The following NRIP2 variants were observed in gnomAD, a reference collection of about 807,000 sequenced individuals.
The protein encoded by NRIP2 is nuclear receptor interacting protein 2.
NRIP2 carries 27 observed loss-of-function variants against 34.1 expected under a neutral mutation model. The observed-to-expected ratio is 0.79, with a 90% CI of 0.58 to 1.09. The LOEUF (loss-of-function observed/expected upper bound fraction) is 1.09. Ranked by LOEUF, NRIP2 falls within the 50% of genes least tolerant of loss-of-function variation. NRIP2 has a pLI of 0.00. For synonymous variants in NRIP2, 145 were observed against 146.9 expected (o/e 0.99, Z 0.09); for missense variants, 385 against 352.6 (o/e 1.09, Z -0.74).
rs148606308 is a variant in NRIP2, at chr12:2,834,951, C to T, written c.33G>A (p.Trp11Ter). 9.2e-5 allele frequency: 147 copies of T among 1,591,778 alleles called. No individual in the cohort carries two copies. Among genetic ancestry groups the T allele is most frequent in the Admixed American group, 1.3e-4 (7 of 54,668 alleles). MLFIFPLSLPWRPSCWKESCS... is the reference protein window; with the variant it reads MLFIFPLSLP Reference sequence around the variant, plus strand: ...AGCTCTCTTTCCAACAGGAGGGTCTCCACGGGAGGGAAAGAGGAAAAATAA... The same window carrying T: ...AGCTCTCTTTCCAACAGGAGGGTCTTCACGGGAGGGAAAGAGGAAAAATAA... Residue 11 changes from tryptophan (W) to a stop codon, truncating the protein, a stop_gained, in exon 1 of 6, where the codon TGG becomes TGA. Coordinates refer to ENST00000337508, the MANE Select transcript of NRIP2 (RefSeq NM_031474.3). LOFTEE classifies it high-confidence loss of function.
chr12:2,828,014 C>T lies in NRIP2; in HGVS notation c.612G>A (p.Gly204=), dbSNP rs531569658. The T allele has an allele frequency of 5.9e-5, 96 of 1,614,160 alleles. No individual in the cohort carries two copies. The South Asian group carries it at 1.0e-3, about 17-fold the overall frequency. The change falls in exon 4 of 6, where the codon GGG becomes GGA. Residue 204 remains glycine (G), a synonymous_variant. Coordinates refer to ENST00000337508, the MANE Select transcript of NRIP2 (RefSeq NM_031474.3). ...GGGTTGGGGGCCCAGGGGCCAGGTC[C>T]CCAGCTGAGGCTTTTAGGACCCTTT... ...LEKRVLKASA[G]DLAPGPPTQV... is the part of the protein sequence containing the mutation.
chr12:2,833,746 T>C (rs533734792), intron 1 of NRIP2, among the ~76,000 whole-genome samples: 5 of 152,160 alleles, frequency 3.3e-5, no homozygotes, highest in African/African-American at 1.2e-4. Flanking sequence ...AATAATAGCA[T>C]TTAGATAGTG....
At position 2,827,280 on chromosome 12, in the gene NRIP2, T is replaced by A. The variant is rs747245249; in HGVS notation, c.773A>T (p.His258Leu). Reference sequence around the variant, plus strand: ...CGGGGCTTTCAGCCGCAGCACTCCGTGCTCCAGGTCGATGCAGCACTGCGG... The same window carrying A: ...CGGGGCTTTCAGCCGCAGCACTCCGAGCTCCAGGTCGATGCAGCACTGCGG... ...LSLKCCIDLE[H>L]GVLRLKAPFS... is the part of the protein sequence containing the mutation. Residue 258 changes from histidine to leucine, a missense_variant, in exon 6 of 6, where the codon CAC becomes CTC. His to Leu is a moderately conservative substitution (Grantham distance 99). Coordinates refer to ENST00000337508, the MANE Select transcript of NRIP2 (RefSeq NM_031474.3). This position sits in a 1 kb window ranked among gnomAD's most constrained non-coding sequence, Gnocchi z 4.0. 45 of 1,613,868 alleles carry A rather than the reference T, an allele frequency of 2.8e-5. No individual in the cohort carries two copies. The highest frequency in any genetic ancestry group is 3.3e-5 in the Non-Finnish European group (39 of 1,179,992).
intron 1 of NRIP2, among the ~76,000 whole-genome samples, chr12:2,834,300 T>A (rs1022835109): frequency 6.6e-6 from 1 of 152,184 alleles, no homozygotes; most frequent in African/African-American, 2.4e-5. Flanking sequence ...TGGCCAGTCC[T>A]CCAGGCCCTC....
Position 2,827,528 on chromosome 12 carries a change from T to C in NRIP2, c.753+97A>G. The C allele has an allele frequency of 6.3e-7, 1 of 1,589,928 alleles. No individual in the cohort carries two copies. The highest frequency in any genetic ancestry group is 8.5e-7 in the Non-Finnish European group (1 of 1,171,306). On this transcript the variant is annotated intron_variant, in intron 5 of 5. Coordinates refer to ENST00000337508, the MANE Select transcript of NRIP2 (RefSeq NM_031474.3). This position sits in a 1 kb window ranked among gnomAD's most constrained non-coding sequence, Gnocchi z 4.0. ...AAGCAAAGGGACAGTTGCCCATCTC[T>C]AAGTCACTCTCATCAGAACCTGGTC...
intron 2 of NRIP2, among the ~76,000 whole-genome samples, chr12:2,829,050 G>GA (rs914337839): frequency 1.3e-3 from 194 of 145,822 alleles, no homozygotes; most frequent in Non-Finnish European, 2.2e-3. Flanking sequence ...AAATAAAATG[G>GA]AAAAAAAAAA....
intron 3 of NRIP2, 128 bp downstream of exon 3, chr12:2,828,204 T>G: frequency 8.7e-7 from 1 of 1,156,066 alleles, no homozygotes; most frequent in South Asian, 1.3e-5. Context: ...TTCTAGCCAC[T>G]CTTTTGTTAA....
chr12:2,834,770 GTGCCTCC>G lies in NRIP2; in HGVS notation c.207_213del (p.Gln69HisfsTer9). ...CTCAGGTGGGCTCGGTCTCGAAGCT[GTGCCTCC>G]TGCCCCCTCGTCCTGGCTTCTCCCT... On this transcript the variant is annotated frameshift_variant, in exon 1 of 6. Transcript: ENST00000337508. LOFTEE classifies it high-confidence loss of function. 1 of 1,613,850 alleles carries G rather than the reference GTGCCTCC, an allele frequency of 6.2e-7. No homozygotes were observed. Among genetic ancestry groups the G allele is most frequent in the Non-Finnish European group, 8.5e-7 (1 of 1,179,972 alleles).
Position 2,830,964 on chromosome 12 carries a change from C to A in NRIP2, c.343-104G>T, listed in dbSNP as rs1437725359. 4.0e-6 allele frequency: 5 copies of A among 1,242,584 alleles called. 1 individual carries two copies. Among genetic ancestry groups the A allele is most frequent in the Middle Eastern group, 2.9e-4 (1 of 3,478 alleles). The allele number at this position is 1,242,584 out of a possible 1,614,324, so 77.0% of individuals were successfully genotyped here. A position where few individuals can be genotyped will look rare whatever the true frequency, so the allele number is the denominator to read the frequency against. ...CCCCAGGATGCTCCCCCCACCCCCC[C>A]AGCCCTGAGCCTTACCCTAGGAGTT... On this transcript the variant is annotated intron_variant, in intron 1 of 5. Transcript: ENST00000337508.
intron 1 of NRIP2, among the ~76,000 whole-genome samples, chr12:2,833,316 T>C (rs542606918): frequency 7.2e-5 from 11 of 152,094 alleles, no homozygotes; most frequent in Admixed American, 7.2e-4. Context: ...TCCATCCCTG[T>C]TTTTCAGCTA....
At chr12:2,833,542 T>C (rs1388725721) in intron 1 of NRIP2, among the ~76,000 whole-genome samples, 1 of 151,708 alleles carries the variant, frequency 6.6e-6, no homozygotes, top group Non-Finnish European at 1.5e-5. Flanking sequence ...GGAGAAGCAG[T>C]TGGTGGAGCA....
chr12:2,834,514 C>G (rs182662014), intron 1 of NRIP2, 128 bp downstream of exon 1: 251 of 1,335,094 alleles, frequency 1.9e-4, no homozygotes, highest in African/African-American at 1.6e-3. Context: ...TGACCTCTCC[C>G]CATCTCAGCA....
chr12:2,828,197 T>C (rs1431013265), intron 3 of NRIP2, 135 bp downstream of exon 3: 6 of 1,140,402 alleles, frequency 5.3e-6, no homozygotes, highest in Non-Finnish European at 7.8e-6. Flanking sequence ...CAGAGTCTTC[T>C]AGCCACTCTT....
At chr12:2,832,047 T>G (rs981419302) in intron 1 of NRIP2, among the ~76,000 whole-genome samples, 1 of 152,108 alleles carries the variant, frequency 6.6e-6, no homozygotes, top group Non-Finnish European at 1.5e-5. Flanking sequence ...GCTAAAAACC[T>G]TGCTACTCCA....
rs1477419199 is a variant in NRIP2 at position 2,827,273 on chromosome 12, C to G, written c.780G>C (p.Val260=). The G allele has an allele frequency of 1.2e-6, 2 of 1,614,056 alleles. No homozygotes were observed. Among genetic ancestry groups the G allele is most frequent in the Admixed American group, 1.7e-5 (1 of 60,018 alleles). The part of the protein sequence containing the change: ...LKCCIDLEHG[V]LRLKAPFSEL... ...CTGAGAACGGGGCTTTCAGCCGCAGCACTCCGTGCTCCAGGTCGATGCAGC... is the reference window on the plus strand; with the variant it reads ...CTGAGAACGGGGCTTTCAGCCGCAGGACTCCGTGCTCCAGGTCGATGCAGC... Residue 260 remains valine, a synonymous_variant, in exon 6 of 6, where the codon GTG becomes GTC. Coordinates refer to ENST00000337508, the MANE Select transcript of NRIP2 (RefSeq NM_031474.3). The surrounding 1 kb of genome is among the most constrained non-coding windows in gnomAD (Gnocchi z 4.0).
rs557994252 is a variant in NRIP2 at position 2,827,339 on chromosome 12, C to T, written c.754-40G>A. 7.5e-5 allele frequency: 120 copies of T among 1,589,782 alleles called. No homozygotes were observed. In the South Asian group the frequency reaches 1.1e-3, roughly 14 times the overall value. The stretch of plus-strand genomic sequence containing the variant: ...GCAGTCATGCCAGGTCACCTCAGCC[C>T]GCCACCTGCCTCCCGGCCTGCTCCT... On this transcript the variant is annotated intron_variant, in intron 5 of 5. Transcript: ENST00000337508. The surrounding 1 kb of genome is among the most constrained non-coding windows in gnomAD (Gnocchi z 4.0).
chr12:2,827,725 C>A lies in NRIP2; in HGVS notation c.701-48G>T. 1 of 1,612,908 alleles carries A rather than the reference C, an allele frequency of 6.2e-7. No individual in the cohort carries two copies. The highest frequency in any genetic ancestry group is 1.1e-5 in the South Asian group (1 of 90,946). On this transcript the variant is annotated intron_variant, in intron 4 of 5. Transcript: ENST00000337508. This position sits in a 1 kb window ranked among gnomAD's most constrained non-coding sequence, Gnocchi z 4.0. ...GAAGAGGCTGAGGGTTCCCAGTGGT[C>A]ACTGCTGCCCTCCTCTTAGCCGTTG...
At position 2,827,781 on chromosome 12, in the gene NRIP2, C is replaced by G; in HGVS notation, c.701-104G>C. ...TCTCTGCCCACCCCATCCCCAGATC[C>G]GAGGACACTGGCACAGAGATGGGGG... On this transcript the variant is annotated intron_variant, in intron 4 of 5. Transcript: ENST00000337508. This position sits in a 1 kb window ranked among gnomAD's most constrained non-coding sequence, Gnocchi z 4.0. 6.2e-7 allele frequency: 1 copy of G among 1,606,294 alleles called. No individual in the cohort carries two copies. The highest frequency in any genetic ancestry group is 8.5e-7 in the Non-Finnish European group (1 of 1,176,732).
chr12:2,832,128 C>T (rs1413251162), intron 1 of NRIP2, among the ~76,000 whole-genome samples: 4 of 152,078 alleles, frequency 2.6e-5, no homozygotes, highest in East Asian at 3.8e-4. Flanking sequence ...TCATACCTAC[C>T]GAATCAGATG....
Sources: allele counts gnomAD v4.1 joint callset (sites outside exome capture counted in the v4.1 genomes callset), GRCh38; gene constraint gnomAD v4.1.1; non-coding constraint Gnocchi (gnomAD v3.1); transcripts MANE v1.5; gene names NCBI Gene and HGNC (gene_info 2026-07-23, HGNC 2026-07-21).